Variants in ITGA11 observed in about 807,000 individuals in gnomAD.
ITGA11 encodes the protein integrin subunit alpha 11.
ITGA11 carries 97 observed loss-of-function variants against 141.9 expected under a neutral mutation model. The observed-to-expected ratio is 0.68, with a 90% CI of 0.58 to 0.81. The LOEUF (loss-of-function observed/expected upper bound fraction) is 0.81. Ranked by LOEUF, ITGA11 falls within the 30% of genes least tolerant of loss-of-function variation. The probability of loss-of-function intolerance (pLI) is 0.00; values close to 1 mark genes in which losing one functional copy is unlikely to be tolerated. For synonymous variants in ITGA11, 658 were observed against 624.6 expected (o/e 1.05, Z -0.80); for missense variants, 1,387 against 1,559.2 (o/e 0.89, Z 1.86).
At chr15:68,363,462 G>C (rs1895316726) in intron 4 of ITGA11, among the ~76,000 whole-genome samples, 1 of 152,138 alleles carries the variant, frequency 6.6e-6, no homozygotes, top group African/African-American at 2.4e-5. Flanking sequence ...TATACATCAA[G>C]GCACCTCATG....
chr15:68,373,269 G>A (rs992605694), intron 2 of ITGA11, among the ~76,000 whole-genome samples: 23 of 152,160 alleles, frequency 1.5e-4, no homozygotes, highest in African/African-American at 5.3e-4. Context: ...AGATGTCCTG[G>A]ACTGCCCTAC....
rs969139594 is a variant in ITGA11 at position 68,321,760 on chromosome 15, C to T, written c.2323-257G>A. Among the ~76,000 whole-genome samples the T allele has an allele frequency of 4.6e-5, 7 of 152,202 alleles. No homozygotes were observed. Among genetic ancestry groups the T allele is most frequent in the Admixed American group, 2.6e-4 (4 of 15,276 alleles). On this transcript the variant is annotated intron_variant, in intron 18 of 29. Coordinates refer to ENST00000315757, the MANE Select transcript of ITGA11 (RefSeq NM_001004439.2). This position sits in a 1 kb window ranked among gnomAD's most constrained non-coding sequence, Gnocchi z 4.9. ...CACAGAACCCCCACCCCCACTCACC[C>T]AGCAGAGCGGTTCTGGTCAACATTT...
chr15:68,296,769 T>C lies in ITGA11; in HGVS notation c.*6290A>G, dbSNP rs1200607962. ...TCAAATTTATCACAATTTAAAAAAA[T>C]GGATTCTGAGTTTTAGATCCTGCTT... On this transcript the variant is annotated 3_prime_UTR_variant, in exon 30 of 30. Coordinates refer to ENST00000315757, the MANE Select transcript of ITGA11 (RefSeq NM_001004439.2). The C allele has an allele frequency of 1.3e-5, 2 of 152,100 alleles. No individual in the cohort carries two copies. Among genetic ancestry groups the C allele is most frequent in the African/African-American group, 4.8e-5 (2 of 41,412 alleles). The allele number at this position is 152,100 out of a possible 1,614,324, so 9.4% of individuals were successfully genotyped here.
intron 1 of ITGA11, among the ~76,000 whole-genome samples, chr15:68,408,707 G>C (rs1016714177): frequency 6.6e-6 from 1 of 152,168 alleles, no homozygotes; most frequent in East Asian, 1.9e-4. Flanking sequence ...TGCTAGGCAG[G>C]CTTTCCTGGT....
At chr15:68,327,293 T>A (rs11072006) in intron 16 of ITGA11, among the ~76,000 whole-genome samples, 125,129 of 152,208 alleles carry the variant, frequency 0.82, 51,556 homozygotes, top group South Asian at 0.92. Context: ...TAAACCCTGC[T>A]GCCTCCTCCC....
chr15:68,431,178 G>A (rs1262366383), intron 1 of ITGA11, among the ~76,000 whole-genome samples: 1 of 152,234 alleles, frequency 6.6e-6, no homozygotes, highest in African/African-American at 2.4e-5. Context: ...ACCCTAGGGC[G>A]GAGAGCTCAG....
intron 12 of ITGA11, among the ~76,000 whole-genome samples, chr15:68,334,204 T>C (rs964691): frequency 0.66 from 100,205 of 152,158 alleles, 36,931 homozygotes; most frequent in East Asian, 0.82. Context: ...GGTACCTAAT[T>C]AATGCTTATT....
At chr15:68,306,684 T>C (rs1043776007) in intron 28 of ITGA11, among the ~76,000 whole-genome samples, 1 of 152,106 alleles carries the variant, frequency 6.6e-6, no homozygotes, top group African/African-American at 2.4e-5. Flanking sequence ...CTGGCTGTGA[T>C]TGGTTTTTGT....
intron 20 of ITGA11, among the ~76,000 whole-genome samples, chr15:68,317,633 T>C (rs1381067313): frequency 6.6e-6 from 1 of 152,100 alleles, no homozygotes; most frequent in African/African-American, 2.4e-5. Flanking sequence ...CATGTATGCG[T>C]CTCATTTTGC....
rs1893000164 is a variant in ITGA11 at position 68,300,356 on chromosome 15, C to A, written c.*2703G>T. The A allele has an allele frequency of 6.6e-6, 1 of 152,242 alleles. No individual in the cohort carries two copies. Among genetic ancestry groups the A allele is most frequent in the South Asian group, 2.1e-4 (1 of 4,824 alleles). 9.4% of individuals were successfully genotyped at this position (152,242 alleles called of 1,614,324 possible). A position where few individuals can be genotyped will look rare whatever the true frequency, so the allele number is the denominator to read the frequency against. On this transcript the variant is annotated 3_prime_UTR_variant, in exon 30 of 30. Coordinates refer to ENST00000315757, the MANE Select transcript of ITGA11 (RefSeq NM_001004439.2). Reference sequence around the variant, plus strand: ...TCACTTACCTGTTGATTGCAACTCTCAGCCATTAGAGTCATCTGGGGAAGT... The same window carrying A: ...TCACTTACCTGTTGATTGCAACTCTAAGCCATTAGAGTCATCTGGGGAAGT...
intron 21 of ITGA11, among the ~76,000 whole-genome samples, chr15:68,316,814 T>G (rs1339970018): frequency 1.3e-5 from 2 of 152,198 alleles, no homozygotes; most frequent in Admixed American, 1.3e-4. Context: ...GGCGTCTCCC[T>G]CCCTTTCCCA....
intron 2 of ITGA11, among the ~76,000 whole-genome samples, chr15:68,370,144 C>T (rs1006185579): frequency 2.6e-5 from 4 of 152,156 alleles, no homozygotes; most frequent in African/African-American, 7.2e-5. Flanking sequence ...CTTTCAGGCT[C>T]GTGTCCTTCA....
At chr15:68,313,995 AGACAG>A in intron 22 of ITGA11, 127 bp from the exon 23 acceptor site, 1 of 699,326 alleles carries the variant, frequency 1.4e-6, no homozygotes. Context: ...CAGACAGGCC[AGACAG>A]GGAACCTGAG....
chr15:68,363,370 G>C (rs144334900), intron 4 of ITGA11, among the ~76,000 whole-genome samples: 156 of 152,266 alleles, frequency 1.0e-3, no homozygotes, highest in African/African-American at 3.8e-3. Context: ...TAGAGACAAA[G>C]CCCCTGACGG....
intron 1 of ITGA11, among the ~76,000 whole-genome samples, chr15:68,419,401 A>G (rs1476222): frequency 0.76 from 115,621 of 152,072 alleles, 44,219 homozygotes; most frequent in African/African-American, 0.82. Context: ...GCAAGCCTAG[A>G]GTGGCCATTT....
Position 68,303,051 on chromosome 15 carries a change from C to T in ITGA11, c.*8G>A, listed in dbSNP as rs1285872563. 9.0e-6 allele frequency: 14 copies of T among 1,548,466 alleles called. No individual in the cohort carries two copies. The highest frequency in any genetic ancestry group is 7.0e-6 in the Non-Finnish European group (8 of 1,146,050). On this transcript the variant is annotated 3_prime_UTR_variant, in exon 30 of 30. Transcript: ENST00000315757. This position sits in a 1 kb window ranked among gnomAD's most constrained non-coding sequence, Gnocchi z 5.3. ...GGCCCCCATCAACTCAAAGTCTCCT[C>T]TGGAGCCTCACTCCAGCACTTTGGG... is the stretch of plus-strand genomic sequence containing the variant.
intron 3 of ITGA11, among the ~76,000 whole-genome samples, chr15:68,368,372 C>G (rs944532624): frequency 2.0e-5 from 3 of 152,242 alleles, no homozygotes; most frequent in Non-Finnish European, 2.9e-5. Flanking sequence ...AATGACCCAG[C>G]TGCTGTCTGA....
chr15:68,336,746 C>A (rs186869606), intron 11 of ITGA11, among the ~76,000 whole-genome samples: 2 of 152,300 alleles, frequency 1.3e-5, no homozygotes, highest in African/African-American at 4.8e-5. Context: ...TTCTGGGGAA[C>A]AGATGTCCCC....
chr15:68,303,249 A>C lies in ITGA11; in HGVS notation c.3496-119T>G, dbSNP rs1893087179. On this transcript the variant is annotated intron_variant, in intron 29 of 29. Coordinates refer to ENST00000315757, the MANE Select transcript of ITGA11 (RefSeq NM_001004439.2). The surrounding 1 kb of genome is among the most constrained non-coding windows in gnomAD (Gnocchi z 5.3). ...CCTCAGGGCTTCCTTGAGTACCCCC[A>C]GCTCATTCTGAGCACCCCCTCCTCC... The C allele has an allele frequency of 1.2e-6, 1 of 827,368 alleles. No homozygotes were observed. The highest frequency in any genetic ancestry group is 1.5e-5 in the South Asian group (1 of 65,386). The allele number at this position is 827,368 out of a possible 1,614,324, so 51.3% of individuals were successfully genotyped here. A position where few individuals can be genotyped will look rare whatever the true frequency, so the allele number is the denominator to read the frequency against.
Sources: gnomAD v4.1 joint callset for allele counts (sites outside exome capture counted in the v4.1 genomes callset) on GRCh38, gnomAD v4.1.1 for gene constraint, Gnocchi (gnomAD v3.1) non-coding constraint, MANE v1.5 for transcripts, NCBI Gene and HGNC (gene_info 2026-07-23, HGNC 2026-07-21) for gene names.